The following TLK1 variants were observed in gnomAD, a reference collection of about 807,000 sequenced individuals.
TLK1 encodes serine/threonine-protein kinase tousled-like 1.
A neutral mutation model predicts 105.3 loss-of-function variants in TLK1; 24 were observed. That is an observed-to-expected ratio of 0.23 (90% CI 0.17 to 0.32). The LOEUF is 0.32. TLK1 is among the 10% of genes least tolerant of loss of function. The pLI, the probability that TLK1 is intolerant of heterozygous loss-of-function variation, is 1.00. For synonymous variants in TLK1, 321 were observed against 310.4 expected (o/e 1.03, Z -0.36); for missense variants, 558 against 910.5 (o/e 0.61, Z 4.98).
chr2:171,086,121 T>C (rs1443505696), intron 2 of TLK1, among the ~76,000 whole-genome samples: 1 of 152,104 alleles, frequency 6.6e-6, no homozygotes, highest in East Asian at 1.9e-4. Flanking sequence ...ATAGGAAATA[T>C]CAATAAAAAT....
chr2:171,114,735 T>C (rs1295711215), intron 2 of TLK1, among the ~76,000 whole-genome samples: 2 of 151,706 alleles, frequency 1.3e-5, no homozygotes, highest in Admixed American at 6.6e-5. Context: ...CTGGGGAGGC[T>C]AAGGTGGGAG....
At chr2:171,086,289 A>C (rs1443197008) in intron 2 of TLK1, among the ~76,000 whole-genome samples, 1 of 152,242 alleles carries the variant, frequency 6.6e-6, no homozygotes, top group Admixed American at 6.5e-5. Flanking sequence ...CCACTACCTG[A>C]ACCAAAAGTA....
intron 3 of TLK1, among the ~76,000 whole-genome samples, chr2:171,076,559 C>T (rs1271528782): frequency 6.6e-6 from 1 of 151,872 alleles, no homozygotes; most frequent in Non-Finnish European, 1.5e-5. Context: ...AGTGAAAGTG[C>T]TACAAGAAGA....
At chr2:171,213,457 C>T (rs1693656713) in intron 1 of TLK1, among the ~76,000 whole-genome samples, 1 of 151,926 alleles carries the variant, frequency 6.6e-6, no homozygotes, top group South Asian at 2.1e-4. Context: ...CTCACCTCGA[C>T]CTCCCAAAGT....
chr2:171,218,393 G>C (rs1693752569), intron 1 of TLK1, among the ~76,000 whole-genome samples: 1 of 152,160 alleles, frequency 6.6e-6, no homozygotes, highest in Admixed American at 6.5e-5. Context: ...TCGTTTAATG[G>C]GTATAAAGTT....
At chr2:171,031,354 T>C (rs1194746614) in intron 11 of TLK1, among the ~76,000 whole-genome samples, 2 of 152,224 alleles carry the variant, frequency 1.3e-5, no homozygotes, top group Non-Finnish European at 2.9e-5. Context: ...AACAGGATTT[T>C]AGACAGAATG....
intron 1 of TLK1, among the ~76,000 whole-genome samples, chr2:171,219,442 G>C (rs2105329872): frequency 6.6e-6 from 1 of 152,306 alleles, no homozygotes; most frequent in South Asian, 2.1e-4. Flanking sequence ...ATAAGCAACA[G>C]AAATGTATTT....
intron 1 of TLK1, among the ~76,000 whole-genome samples, chr2:171,156,291 A>T (rs1362867388): frequency 6.6e-6 from 1 of 152,256 alleles, no homozygotes. Flanking sequence ...TTGCAAAAAT[A>T]TAAAACAATG....
intron 1 of TLK1, among the ~76,000 whole-genome samples, chr2:171,217,951 T>C (rs1368701330): frequency 6.6e-6 from 1 of 152,144 alleles, no homozygotes; most frequent in Non-Finnish European, 1.5e-5. Flanking sequence ...ACAAACTTGG[T>C]GTATTAAAAC....
At chr2:171,081,934 G>C (rs1431270918) in intron 3 of TLK1, among the ~76,000 whole-genome samples, 1 of 151,920 alleles carries the variant, frequency 6.6e-6, no homozygotes. Context: ...TTATCAAGTT[G>C]ATAGGTCTAT....
At chr2:171,173,622 G>C (rs1575646130) in intron 1 of TLK1, among the ~76,000 whole-genome samples, 2 of 152,130 alleles carry the variant, frequency 1.3e-5, no homozygotes, top group Middle Eastern at 3.4e-3. Context: ...AAACTCCTGG[G>C]CTCAAGGCAT....
At chr2:171,059,721 C>A (rs1233610408) in intron 4 of TLK1, among the ~76,000 whole-genome samples, 4 of 152,066 alleles carry the variant, frequency 2.6e-5, no homozygotes, top group Admixed American at 2.6e-4. Flanking sequence ...CCACAGACTG[C>A]GGGGAGTAGG....
chr2:170,993,668 TAAAAA>T lies in TLK1; in HGVS notation c.*107_*111del, dbSNP rs71008739. The stretch of plus-strand genomic sequence containing the variant: ...AAACAGTTCTTAACCACGTCTTGTG[TAAAAA>T]AAAAAAAAAAAAAAAAAGAAAAAGA... On this transcript the variant is annotated 3_prime_UTR_variant, in exon 21 of 21. Transcript: ENST00000431350. 11,792 of 429,436 alleles carry T rather than the reference TAAAAA, an allele frequency of 0.027. 4 individuals carry two copies. Among genetic ancestry groups the T allele is most frequent in the Middle Eastern group, 0.034 (48 of 1,402 alleles). 26.6% of individuals were successfully genotyped at this position (429,436 alleles called of 1,614,324 possible).
chr2:171,037,776 T>G (rs544951313), intron 11 of TLK1, among the ~76,000 whole-genome samples: 2 of 152,350 alleles, frequency 1.3e-5, no homozygotes, highest in African/African-American at 4.8e-5. Context: ...TTTTAAGATT[T>G]GTGCATTTAT....
intron 11 of TLK1, among the ~76,000 whole-genome samples, chr2:171,030,195 T>C (rs1243305331): frequency 6.6e-6 from 1 of 152,236 alleles, no homozygotes; most frequent in Admixed American, 6.5e-5. Context: ...TTAGTATAAA[T>C]GCCATTTCCC....
chr2:171,095,698 T>C (rs1043473342), intron 2 of TLK1, among the ~76,000 whole-genome samples: 1 of 152,016 alleles, frequency 6.6e-6, no homozygotes, highest in Non-Finnish European at 1.5e-5. Flanking sequence ...TCAATAAATA[T>C]GATACACCAC....
chr2:171,177,797 T>C (rs557644559), intron 1 of TLK1, among the ~76,000 whole-genome samples: 1 of 151,662 alleles, frequency 6.6e-6, no homozygotes, highest in South Asian at 2.1e-4. Context: ...CTAACTAGCA[T>C]TTTTTTTTCT....
At chr2:171,012,168 T>G (rs1208518331) in intron 13 of TLK1, among the ~76,000 whole-genome samples, 2 of 152,150 alleles carry the variant, frequency 1.3e-5, no homozygotes, top group African/African-American at 2.4e-5. Flanking sequence ...GCAAGACCTT[T>G]GAATGTCATG....
chr2:171,098,381 G>C (rs1689542970), intron 2 of TLK1, among the ~76,000 whole-genome samples: 1 of 151,964 alleles, frequency 6.6e-6, no homozygotes, highest in African/African-American at 2.4e-5. Flanking sequence ...ATTTCTATTT[G>C]TCAATCATAC....
Sources: gnomAD v4.1 joint callset for allele counts (sites outside exome capture counted in the v4.1 genomes callset) on GRCh38, gnomAD v4.1.1 for gene constraint, MANE v1.5 for transcripts, NCBI Gene and HGNC (gene_info 2026-07-23, HGNC 2026-07-21) for gene names.